The following ASAP1 variants were observed in gnomAD, a reference collection of about 807,000 sequenced individuals.
ASAP1 encodes the protein arf-GAP with SH3 domain, ANK repeat and PH domain-containing protein 1.
ASAP1 carries 43 observed loss-of-function variants against 145.2 expected under a neutral mutation model. That is an observed-to-expected ratio of 0.30 (90% CI 0.23 to 0.38). The LOEUF (loss-of-function observed/expected upper bound fraction) is 0.38, where lower values mean the gene tolerates loss of function less well. Ranked by LOEUF, ASAP1 falls within the 10% of genes least tolerant of loss-of-function variation. The pLI, the probability that ASAP1 is intolerant of heterozygous loss-of-function variation, is 1.00. For missense variants in ASAP1, 1,018 were observed against 1,355.3 expected (o/e 0.75, Z 3.91); for synonymous variants, 546 against 515.5 (o/e 1.06, Z -0.80).
intron 12 of ASAP1, among the ~76,000 whole-genome samples, chr8:130,154,086 C>T (rs2097653190): frequency 6.6e-6 from 1 of 151,860 alleles, no homozygotes; most frequent in Admixed American, 6.6e-5. Context: ...ATGCAAGGAG[C>T]GAGGGGTGAA....
At chr8:130,104,355 G>A (rs2135520609) in intron 24 of ASAP1, among the ~76,000 whole-genome samples, 1 of 152,326 alleles carries the variant, frequency 6.6e-6, no homozygotes, top group Non-Finnish European at 1.5e-5. Context: ...TGCTTATACT[G>A]GTTCAAGCAA....
intron 18 of ASAP1, among the ~76,000 whole-genome samples, chr8:130,122,922 T>A (rs1405876014): frequency 6.6e-6 from 1 of 152,258 alleles, no homozygotes; most frequent in South Asian, 2.1e-4. Flanking sequence ...ATTTAAAAAA[T>A]GCTGGTGTGG....
chr8:130,177,794 A>G (rs1814069043), intron 9 of ASAP1, among the ~76,000 whole-genome samples: 1 of 152,236 alleles, frequency 6.6e-6, no homozygotes, highest in Non-Finnish European at 1.5e-5. Context: ...ATATAAATAA[A>G]TAATTTTAAA....
In ASAP1 at chr8:130,092,126, A is replaced by C; in HGVS notation, c.2419T>G (p.Ser807Ala). ...GTCTGGGTGCTTAGAGGGAGTGTTG[A>C]AGGTGGGCCAGTTGGACCTAGAAAG... is the stretch of plus-strand genomic sequence containing the variant. ...NAGKGPTGPP[S>A]TLPLSTQTSS... The change falls in exon 25 of 30, where the codon TCA (serine) becomes GCA (alanine). Residue 807 changes from serine to alanine, a missense_variant. By Grantham distance (99) the Ser-to-Ala change is moderately conservative. This residue lies in a region of ASAP1 where 353 missense variants were observed against 375.4 expected (regional missense o/e 0.94). Transcript: ENST00000518721. The C allele has an allele frequency of 6.4e-7, 1 of 1,565,014 alleles. No individual in the cohort carries two copies. The highest frequency in any genetic ancestry group is 8.6e-7 in the Non-Finnish European group (1 of 1,162,372).
At chr8:130,086,454 G>A (rs1468494720) in intron 25 of ASAP1, among the ~76,000 whole-genome samples, 1 of 152,178 alleles carries the variant, frequency 6.6e-6, no homozygotes, top group Non-Finnish European at 1.5e-5. Context: ...TTTATCCGAA[G>A]ATTCTAAAAT....
chr8:130,309,402 T>C (rs1325235999), intron 3 of ASAP1, among the ~76,000 whole-genome samples: 3 of 152,154 alleles, frequency 2.0e-5, no homozygotes, highest in Non-Finnish European at 2.9e-5. Context: ...CTTTGGGTGC[T>C]ATGACACTTA....
chr8:130,260,292 T>G (rs933006427), intron 3 of ASAP1, among the ~76,000 whole-genome samples: 1 of 152,140 alleles, frequency 6.6e-6, no homozygotes, highest in African/African-American at 2.4e-5. Flanking sequence ...GCACTCTGAT[T>G]GTTGGGCTAC....
intron 1 of ASAP1, among the ~76,000 whole-genome samples, chr8:130,412,286 C>G (rs1039861713): frequency 6.6e-6 from 1 of 152,134 alleles, no homozygotes; most frequent in Non-Finnish European, 1.5e-5. Flanking sequence ...GTAACTGGAT[C>G]ATGGAGGTAG....
At chr8:130,136,194 C>T (rs2097594291) in intron 14 of ASAP1, among the ~76,000 whole-genome samples, 1 of 152,028 alleles carries the variant, frequency 6.6e-6, no homozygotes, top group African/African-American at 2.4e-5. Flanking sequence ...GTAAGCACAC[C>T]CATAGGAATC....
chr8:130,199,704 G>A (rs1815744813), intron 5 of ASAP1, among the ~76,000 whole-genome samples: 1 of 152,146 alleles, frequency 6.6e-6, no homozygotes. Context: ...CACTCTTACA[G>A]CTTAAAATGA....
At chr8:130,439,754 A>G (rs1298315248) in intron 1 of ASAP1, among the ~76,000 whole-genome samples, 5 of 152,194 alleles carry the variant, frequency 3.3e-5, no homozygotes, top group Non-Finnish European at 7.3e-5. Flanking sequence ...GGAAGAACGT[A>G]AGCAGACACT....
rs2097396367 is a variant in ASAP1 at position 130,053,054 on chromosome 8, G to A, written c.*1677C>T. On this transcript the variant is annotated 3_prime_UTR_variant, in exon 30 of 30. Coordinates refer to ENST00000518721, the MANE Select transcript of ASAP1 (RefSeq NM_018482.4). The stretch of plus-strand genomic sequence containing the variant: ...TAACAGCTGATAAAATATTTTGCAG[G>A]TTTGTCATGCAAGGTTTATTTATTA... The A allele has an allele frequency of 1.3e-5, 2 of 152,172 alleles. No individual in the cohort carries two copies. Among genetic ancestry groups the A allele is most frequent in the South Asian group, 4.1e-4 (2 of 4,830 alleles). The allele number at this position is 152,172 out of a possible 1,614,324, so 9.4% of individuals were successfully genotyped here. A position where few individuals can be genotyped will look rare whatever the true frequency, so the allele number is the denominator to read the frequency against.
intron 3 of ASAP1, among the ~76,000 whole-genome samples, chr8:130,281,629 C>T (rs1430625934): frequency 6.6e-6 from 1 of 152,158 alleles, no homozygotes; most frequent in African/African-American, 2.4e-5. Flanking sequence ...TTAATTTATT[C>T]TGTTTTGCAA....
At chr8:130,176,126 CTTTA>C (rs1339986273) in intron 9 of ASAP1, among the ~76,000 whole-genome samples, 2 of 152,156 alleles carry the variant, frequency 1.3e-5, no homozygotes, top group African/African-American at 2.4e-5. Context: ...TTTCTGTTCC[CTTTA>C]TTTATTTCTC....
At chr8:130,197,576 T>G (rs1025572018) in intron 5 of ASAP1, among the ~76,000 whole-genome samples, 2 of 152,220 alleles carry the variant, frequency 1.3e-5, no homozygotes, top group African/African-American at 4.8e-5. Context: ...ACTAAATAAC[T>G]TGGCCAAACA....
chr8:130,206,892 T>C (rs930942363), intron 5 of ASAP1, among the ~76,000 whole-genome samples: 14 of 152,096 alleles, frequency 9.2e-5, no homozygotes, highest in African/African-American at 3.4e-4. Context: ...CTTAACTTCT[T>C]TGCTAGGATC....
intron 25 of ASAP1, among the ~76,000 whole-genome samples, chr8:130,090,315 G>T (rs2097502862): frequency 6.6e-6 from 1 of 152,196 alleles, no homozygotes; most frequent in African/African-American, 2.4e-5. Flanking sequence ...ATTTGGAAAG[G>T]AGGTTAATTT....
intron 25 of ASAP1, among the ~76,000 whole-genome samples, chr8:130,091,233 C>T (rs1165203756): frequency 6.6e-6 from 1 of 152,160 alleles, no homozygotes; most frequent in Admixed American, 6.5e-5. Flanking sequence ...TTCTGGCTCT[C>T]ATGGAGCTTA....
At chr8:130,318,576 G>A (rs575466177) in intron 3 of ASAP1, among the ~76,000 whole-genome samples, 20 of 152,190 alleles carry the variant, frequency 1.3e-4, no homozygotes, top group Admixed American at 7.2e-4. Context: ...ATGACACAGC[G>A]AATTAAAACA....
Sources: gnomAD v4.1 joint callset for allele counts (sites outside exome capture counted in the v4.1 genomes callset) on GRCh38, gnomAD v4.1.1 for gene constraint, gnomAD v4.1.1 regional missense constraint, MANE v1.5 for transcripts, NCBI Gene and HGNC (gene_info 2026-07-23, HGNC 2026-07-21) for gene names.